The following DCC variants were observed in gnomAD, a reference collection of about 807,000 sequenced individuals.
DCC encodes the protein netrin receptor DCC.
Under a neutral mutation model 172.5 loss-of-function variants are expected in DCC, and 58 were observed. The ratio of observed to expected loss-of-function variants is 0.34; its 90% CI spans 0.27 to 0.42. DCC has a LOEUF of 0.42. Ranked by LOEUF, DCC falls within the 10% of genes least tolerant of loss-of-function variation. The pLI is 1.00. For synonymous variants in DCC, 709 were observed against 644.5 expected (o/e 1.10, Z -1.52); for missense variants, 1,740 against 1,791.0 (o/e 0.97, Z 0.51).
intron 15 of DCC, among the ~76,000 whole-genome samples, chr18:53,374,248 G>A (rs1016480109): frequency 4.6e-5 from 7 of 152,124 alleles, no homozygotes; most frequent in Non-Finnish European, 1.0e-4. Flanking sequence ...TACCACATTG[G>A]ACAGCAATAA....
At chr18:53,309,158 C>T (rs934929411) in intron 13 of DCC, among the ~76,000 whole-genome samples, 1 of 152,104 alleles carries the variant, frequency 6.6e-6, no homozygotes, top group Non-Finnish European at 1.5e-5. Context: ...CTGCCTCGGC[C>T]TACGGAGCAG....
intron 7 of DCC, among the ~76,000 whole-genome samples, chr18:53,132,727 G>A (rs1339903146): frequency 6.6e-6 from 1 of 152,116 alleles, no homozygotes; most frequent in Admixed American, 6.6e-5. Flanking sequence ...TGTTTATTAG[G>A]ACTTGTTCCT....
At chr18:52,347,681 C>T (rs772090738) in intron 1 of DCC, among the ~76,000 whole-genome samples, 1 of 152,090 alleles carries the variant, frequency 6.6e-6, no homozygotes, top group Non-Finnish European at 1.5e-5. Context: ...GATTAGAAAA[C>T]AGCACCTGAA....
At chr18:53,351,834 A>C (rs1189043093) in intron 15 of DCC, among the ~76,000 whole-genome samples, 1 of 151,950 alleles carries the variant, frequency 6.6e-6, no homozygotes. Flanking sequence ...TAAGCACTTC[A>C]GAAATAACAA....
intron 1 of DCC, among the ~76,000 whole-genome samples, chr18:52,652,455 T>A (rs192391458): frequency 6.6e-5 from 10 of 152,298 alleles, no homozygotes; most frequent in East Asian, 5.8e-4. Context: ...TTGGAATTCC[T>A]TCAATAACTT....
chr18:53,070,492 T>C (rs1478119992), intron 7 of DCC, among the ~76,000 whole-genome samples: 7 of 152,182 alleles, frequency 4.6e-5, no homozygotes, highest in African/African-American at 1.7e-4. Flanking sequence ...CAATTTCACT[T>C]CTCCCAGGAA....
At chr18:53,143,219 T>C (rs2144354681) in intron 7 of DCC, among the ~76,000 whole-genome samples, 1 of 152,238 alleles carries the variant, frequency 6.6e-6, no homozygotes, top group South Asian at 2.1e-4. Flanking sequence ...TCCTCACCTC[T>C]TTTTTTAATG....
chr18:52,902,660 A>G (rs968178531), intron 2 of DCC, among the ~76,000 whole-genome samples: 2 of 152,168 alleles, frequency 1.3e-5, no homozygotes, highest in African/African-American at 4.8e-5. Context: ...TATAGTACTA[A>G]GTTGATAGTC....
At chr18:53,482,836 A>T (rs2045851128) in intron 25 of DCC, among the ~76,000 whole-genome samples, 1 of 151,980 alleles carries the variant, frequency 6.6e-6, no homozygotes, top group Admixed American at 6.6e-5. Context: ...ACTGCCTCAG[A>T]GTCTGGGAAT....
chr18:52,591,979 C>T (rs1430896984), intron 1 of DCC, among the ~76,000 whole-genome samples: 2 of 151,946 alleles, frequency 1.3e-5, no homozygotes, highest in Non-Finnish European at 2.9e-5. Flanking sequence ...ATCTCATAGG[C>T]AGTTCTGTAG....
intron 8 of DCC, among the ~76,000 whole-genome samples, chr18:53,171,084 C>T (rs755696544): frequency 4.6e-5 from 7 of 152,068 alleles, no homozygotes; most frequent in South Asian, 4.1e-4. Flanking sequence ...AGGGTTTCAC[C>T]AGATTGGCCA....
intron 1 of DCC, among the ~76,000 whole-genome samples, chr18:52,638,365 G>T (rs1316265877): frequency 6.6e-6 from 1 of 152,000 alleles, no homozygotes; most frequent in East Asian, 1.9e-4. Context: ...GAATGTAAAT[G>T]GCTTAAATGC....
chr18:52,929,962 G>C (rs1353470182), intron 5 of DCC, among the ~76,000 whole-genome samples: 3 of 151,804 alleles, frequency 2.0e-5, no homozygotes. Context: ...GTGTGCCTGT[G>C]CACATGTCTA....
At chr18:53,366,710 G>A (rs553553774) in intron 15 of DCC, among the ~76,000 whole-genome samples, 85 of 152,218 alleles carry the variant, frequency 5.6e-4, no homozygotes, top group African/African-American at 1.9e-3. Flanking sequence ...AACAAGACAC[G>A]TAACCACCCA....
chr18:52,981,439 A>T (rs2041206786), intron 5 of DCC, among the ~76,000 whole-genome samples: 1 of 152,086 alleles, frequency 6.6e-6, no homozygotes, highest in Non-Finnish European at 1.5e-5. Context: ...CTGAACAATA[A>T]TGAAAGGATT....
chr18:53,100,056 C>T (rs768816940), intron 7 of DCC, among the ~76,000 whole-genome samples: 8 of 149,944 alleles, frequency 5.3e-5, no homozygotes, highest in Admixed American at 1.3e-4. Flanking sequence ...CAGCAATTCT[C>T]CTGCATCAGC....
intron 1 of DCC, among the ~76,000 whole-genome samples, chr18:52,546,911 A>G (rs1194657983): frequency 1.3e-5 from 2 of 152,126 alleles, no homozygotes; most frequent in African/African-American, 4.8e-5. Context: ...GATGGATCCA[A>G]TTTAGAAGTC....
intron 1 of DCC, among the ~76,000 whole-genome samples, chr18:52,378,350 G>A (rs925127964): frequency 6.6e-6 from 1 of 151,716 alleles, no homozygotes. Flanking sequence ...GAAGATTTGG[G>A]AAAATGACAT....
intron 1 of DCC, among the ~76,000 whole-genome samples, chr18:52,367,595 C>G (rs1448883687): frequency 1.3e-5 from 2 of 152,164 alleles, no homozygotes; most frequent in African/African-American, 4.8e-5. Context: ...TGGCTTTTCT[C>G]GGCAGAGCCA....
Sources: allele counts gnomAD v4.1 joint callset (sites outside exome capture counted in the v4.1 genomes callset), GRCh38; gene constraint gnomAD v4.1.1; transcripts MANE v1.5; gene names NCBI Gene and HGNC (gene_info 2026-07-23, HGNC 2026-07-21).